The following USP9X variants were observed in gnomAD, a reference collection of about 807,000 sequenced individuals.
USP9X encodes the protein ubiquitin carboxyl-terminal hydrolase 9X.
Under a neutral mutation model 190.3 loss-of-function variants are expected in USP9X, and 7 were observed. The observed-to-expected ratio is 0.04, with a 90% CI of 0.02 to 0.07. The LOEUF (loss-of-function observed/expected upper bound fraction) is 0.07, where lower values mean the gene tolerates loss of function less well. Among genes scored for constraint, USP9X ranks in the 10% least tolerant of loss-of-function variants. USP9X has a pLI of 1.00. For missense variants in USP9X, 1,010 were observed against 1,916.9 expected, an observed-to-expected ratio of 0.53 and a Z score of 8.83; for synonymous variants, 645 against 659.5, an observed-to-expected ratio of 0.98 and a Z score of 0.34.
chrX:41,192,589 A>G (rs1305005516), intron 26 of USP9X, among the ~76,000 whole-genome samples: 1 of 111,852 alleles, frequency 8.9e-6, no homozygotes, highest in African/African-American at 3.3e-5. Flanking sequence ...AAAGGAGTCA[A>G]GGATAATACT....
At chrX:41,108,383 T>C (rs2062084925) in intron 1 of USP9X, among the ~76,000 whole-genome samples, 1 of 111,681 alleles carries the variant, frequency 9.0e-6, no homozygotes, top group Non-Finnish European at 1.9e-5. Flanking sequence ...TGCCCCACAG[T>C]CTGATCCAGT....
chrX:41,166,159 G>A lies in USP9X; in HGVS notation c.2273G>A (p.Arg758Lys). ...NCREGKLVAK[R>K]RAYMMDDLEL... ...CGAGAAGGAAAACTAGTAGCAAAAA[G>A]GAGAGCCTATATGATGGATGACTTG... Residue 758 changes from arginine to lysine, a missense_variant, in exon 16 of 45, where the codon AGG (arginine) becomes AAG (lysine). Arg to Lys is a conservative substitution (Grantham distance 26). Transcript: ENST00000378308. 1 of 1,209,871 alleles carries A rather than the reference G, an allele frequency of 8.3e-7. No homozygotes were observed. Among genetic ancestry groups the A allele is most frequent in the Non-Finnish European group, 1.1e-6 (1 of 894,558 alleles).
chrX:41,171,661 T>G (rs773614366), intron 20 of USP9X, 177 bp from the exon 21 acceptor site: 1 of 546,288 alleles, frequency 1.8e-6, no homozygotes, highest in African/African-American at 2.3e-5. Context: ...GATGATGTAT[T>G]TGATCTGCAC....
intron 9 of USP9X, among the ~76,000 whole-genome samples, chrX:41,142,346 T>A (rs12864061): frequency 8.1e-5 from 9 of 111,461 alleles, no homozygotes; most frequent in Non-Finnish European, 1.5e-4. Context: ...TTATTGTGTT[T>A]TACAAAATTA....
At chrX:41,201,979 A>AG (rs2063046289) in intron 31 of USP9X, among the ~76,000 whole-genome samples, 1 of 112,776 alleles carries the variant, frequency 8.9e-6, no homozygotes, top group Non-Finnish European at 1.9e-5. Context: ...TCAAAAAAAA[A>AG]AAGCAACAGT....
Position 41,232,527 on chromosome X carries a change from T to C in USP9X, c.*3T>C, listed in dbSNP as rs764740172. ...CACCTCAAACCAAGGATCAATGAAA[T>C]GCACATAATTAACTGGTTCCATCAA... is the stretch of plus-strand genomic sequence containing the variant. On this transcript the variant is annotated 3_prime_UTR_variant, in exon 45 of 45. Transcript: ENST00000378308. 2.5e-6 allele frequency: 3 copies of C among 1,209,320 alleles called. No homozygotes were observed. Among genetic ancestry groups the C allele is most frequent in the African/African-American group, 3.5e-5 (2 of 57,658 alleles).
Position 41,201,144 on chromosome X carries a change from G to C in USP9X, c.4688G>C (p.Gly1563Ala). ...GGATTCGTGGGGCTGAAAAATGCCGGTGCTACTTGTTACATGAATTCTGTG... is the reference window on the plus strand; with the variant it reads ...GGATTCGTGGGGCTGAAAAATGCCGCTGCTACTTGTTACATGAATTCTGTG... ...PKGFVGLKNAGATCYMNSVIQ... is the reference protein window; with the variant it reads ...PKGFVGLKNAAATCYMNSVIQ... Residue 1563 changes from glycine to alanine, a missense_variant, in exon 31 of 45, where the codon GGT (glycine) becomes GCT (alanine). Physicochemically the swap from Gly to Ala is moderately conservative, Grantham distance 60 (BLOSUM62 0). Transcript: ENST00000378308. 1 of 1,211,560 alleles carries C rather than the reference G, an allele frequency of 8.3e-7. No individual in the cohort carries two copies. The highest frequency in any genetic ancestry group is 3.0e-5 in the East Asian group (1 of 33,839).
At chrX:41,232,265 G>A (rs2063367389) in intron 44 of USP9X, 122 bp from the exon 45 acceptor site, 2 of 771,314 alleles carry the variant, frequency 2.6e-6, no homozygotes. Flanking sequence ...AGTAGTCCAA[G>A]GGTATTTACA....
intron 23 of USP9X, 104 bp from the exon 24 acceptor site, chrX:41,186,413 C>G (rs1251646372): frequency 5.2e-6 from 5 of 955,478 alleles, no homozygotes; most frequent in Non-Finnish European, 4.4e-6. Flanking sequence ...TGTGTATATG[C>G]AAGGAAGTCG....
chrX:41,198,740 A>G lies in USP9X; in HGVS notation c.4593A>G (p.Thr1531=). The change falls in exon 30 of 45, where the codon ACA becomes ACG. Residue 1531 remains threonine (T), a synonymous_variant. Coordinates refer to ENST00000378308, the MANE Select transcript of USP9X (RefSeq NM_001039591.3). ...DSLTEMYYIG[T]AITTCEALTE... The stretch of plus-strand genomic sequence containing the variant: ...TGACTGAAATGTATTACATTGGCAC[A>G]GCAATAACTAGTAAGTATTTTTAAT... 8.4e-7 allele frequency: 1 copy of G among 1,183,976 alleles called. No individual in the cohort carries two copies. Among genetic ancestry groups the G allele is most frequent in the East Asian group, 3.0e-5 (1 of 33,444 alleles).
chrX:41,158,763 C>T (rs1321684368), intron 14 of USP9X, among the ~76,000 whole-genome samples: 13 of 111,602 alleles, frequency 1.2e-4, no homozygotes, highest in Admixed American at 1.1e-3. Flanking sequence ...TGCTGTGCAG[C>T]CCCGTTTCTA....
chrX:41,149,196 GGTAA>G (rs2062499479), intron 12 of USP9X, among the ~76,000 whole-genome samples: 1 of 111,691 alleles, frequency 9.0e-6, no homozygotes, highest in Non-Finnish European at 1.9e-5. Context: ...GTGACAGTTC[GGTAA>G]GTATTTATTC....
At chrX:41,101,749 G>A (rs1218126673) in intron 1 of USP9X, among the ~76,000 whole-genome samples, 3 of 112,537 alleles carry the variant, frequency 2.7e-5, no homozygotes, top group African/African-American at 9.7e-5. Context: ...TGGAATTTGT[G>A]TATGTAAAAC....
intron 34 of USP9X, 133 bp downstream of exon 34, chrX:41,214,842 T>A: frequency 1.5e-6 from 1 of 658,630 alleles, no homozygotes; most frequent in Non-Finnish European, 2.2e-6. Flanking sequence ...AGCAGAGAAG[T>A]AGTCAATATG....
chrX:41,152,078 C>T (rs1031730625), intron 13 of USP9X, among the ~76,000 whole-genome samples: 3 of 112,039 alleles, frequency 2.7e-5, no homozygotes, highest in Non-Finnish European at 5.6e-5. Flanking sequence ...ATGATTATAC[C>T]TCAGACAGAA....
intron 14 of USP9X, among the ~76,000 whole-genome samples, chrX:41,159,963 AAATTG>A (rs746917416): frequency 9.0e-6 from 1 of 111,462 alleles, no homozygotes; most frequent in Admixed American, 9.5e-5. Flanking sequence ...TGTACTAAAA[AAATTG>A]AATTGTATTT....
intron 35 of USP9X, among the ~76,000 whole-genome samples, chrX:41,216,929 G>GCT (rs1346497184): frequency 1.8e-5 from 2 of 110,295 alleles, no homozygotes; most frequent in Non-Finnish European, 3.8e-5. Context: ...TGTAGTCCCA[G>GCT]CTACTCCCTG....
chrX:41,179,906 C>A (rs2062811321), intron 21 of USP9X, among the ~76,000 whole-genome samples: 2 of 111,879 alleles, frequency 1.8e-5, no homozygotes, highest in South Asian at 7.4e-4. Flanking sequence ...TATCTATCCC[C>A]ATCTTCACTA....
At chrX:41,174,190 T>G (rs1023650945) in intron 21 of USP9X, among the ~76,000 whole-genome samples, 1 of 112,084 alleles carries the variant, frequency 8.9e-6, no homozygotes, top group Admixed American at 9.4e-5. Flanking sequence ...CACTTAATGA[T>G]GCATTTCTCA....
Sources: gnomAD v4.1 joint callset for allele counts (sites outside exome capture counted in the v4.1 genomes callset) on GRCh38, gnomAD v4.1.1 for gene constraint, MANE v1.5 for transcripts, NCBI Gene and HGNC (gene_info 2026-07-23, HGNC 2026-07-21) for gene names.